The following CLYBL variants were observed in gnomAD, a reference collection of about 807,000 sequenced individuals.
CLYBL encodes citramalyl-CoA lyase, also known as citramalyl-CoA lyase, mitochondrial.
In CLYBL, 31 loss-of-function variants were observed where a neutral mutation model predicts 38.9. The ratio of observed to expected loss-of-function variants is 0.80; its 90% CI spans 0.60 to 1.08. The LOEUF (loss-of-function observed/expected upper bound fraction) is 1.08. CLYBL is among the 50% of genes least tolerant of loss of function. CLYBL has a pLI of 0.00. For synonymous variants in CLYBL, 171 were observed against 158.6 expected (o/e 1.08, Z -0.59); for missense variants, 434 against 411.6 (o/e 1.05, Z -0.47).
At chr13:99,632,515 A>G (rs9557269) in intron 1 of CLYBL, among the ~76,000 whole-genome samples, 73,177 of 152,092 alleles carry the variant, frequency 0.48, 17,788 homozygotes, top group East Asian at 0.71. Flanking sequence ...ACCAAGGCAG[A>G]CGGATTGCCT....
chr13:99,611,153 G>C (rs1055533465), intron 1 of CLYBL, among the ~76,000 whole-genome samples: 4 of 152,144 alleles, frequency 2.6e-5, no homozygotes, highest in Non-Finnish European at 5.9e-5. Flanking sequence ...AAACCCCCAC[G>C]ACAATTGCTG....
At chr13:99,800,743 G>A (rs1257536064) in intron 2 of CLYBL, among the ~76,000 whole-genome samples, 1 of 152,000 alleles carries the variant, frequency 6.6e-6, no homozygotes, top group Non-Finnish European at 1.5e-5. Flanking sequence ...GCATGGTGGC[G>A]CATGCCTTTA....
At chr13:99,662,529 T>G (rs76498364) in intron 1 of CLYBL, among the ~76,000 whole-genome samples, 9 of 89,422 alleles carry the variant, frequency 1.0e-4, no homozygotes, top group African/African-American at 3.2e-4. Flanking sequence ...TTTTTTTTTT[T>G]GGTCAGGCAG....
chr13:99,871,201 A>G, intron 7 of CLYBL, 139 bp downstream of exon 7: 1 of 962,498 alleles, frequency 1.0e-6, no homozygotes, highest in Non-Finnish European at 1.6e-6. Flanking sequence ...CACAACATTC[A>G]CCAGTGAGAA....
In CLYBL at chr13:99,772,741, A is replaced by G. The variant is rs1010454920; in HGVS notation, c.63-83A>G. 1.2e-5 allele frequency: 14 copies of G among 1,122,652 alleles called. No individual in the cohort carries two copies. In the Admixed American group the frequency reaches 2.5e-4, roughly 20 times the overall value. 69.5% of individuals were successfully genotyped at this position (1,122,652 alleles called of 1,614,324 possible). ...AAGATTATCCATGTGTTCTATTTTA[A>G]TTTTGCATTAAAATATAGTTTTTCA... is the stretch of plus-strand genomic sequence containing the variant. On this transcript the variant is annotated intron_variant, in intron 1 of 8. Coordinates refer to ENST00000339105, the MANE Select transcript of CLYBL (RefSeq NM_206808.5).
At chr13:99,717,515 A>C (rs1281025475) in intron 1 of CLYBL, among the ~76,000 whole-genome samples, 1 of 150,434 alleles carries the variant, frequency 6.6e-6, no homozygotes, top group Admixed American at 6.6e-5. Flanking sequence ...GCTGGAGTGC[A>C]GTGGCACGAT....
At chr13:99,679,218 C>T (rs942602425) in intron 1 of CLYBL, among the ~76,000 whole-genome samples, 5 of 148,150 alleles carry the variant, frequency 3.4e-5, no homozygotes, top group Admixed American at 1.4e-4. Flanking sequence ...GGCGTGAACC[C>T]GGGAGGTGGA....
At chr13:99,647,846 A>G (rs1007361544) in intron 1 of CLYBL, among the ~76,000 whole-genome samples, 1 of 152,226 alleles carries the variant, frequency 6.6e-6, no homozygotes, top group South Asian at 2.1e-4. Flanking sequence ...TGACACTAGC[A>G]GTATGGGTGC....
At chr13:99,884,396 T>G (rs2052292762) in intron 7 of CLYBL, among the ~76,000 whole-genome samples, 1 of 152,122 alleles carries the variant, frequency 6.6e-6, no homozygotes, top group South Asian at 2.1e-4. Context: ...CTGGTCTGTC[T>G]TCCTTCCCTC....
rs577306262 is a variant in CLYBL, at chr13:99,747,192, C to G, written c.63-25632C>G. On this transcript the variant is annotated intron_variant, in intron 1 of 8. Coordinates refer to ENST00000339105, the MANE Select transcript of CLYBL (RefSeq NM_206808.5). ...CAAAACAAGGAGCTTTGCAGAAAAA[C>G]AAAAAGCTCCTCTCCTCTCCCCCCC... is the stretch of plus-strand genomic sequence containing the variant. Among the ~76,000 whole-genome samples the G allele has an allele frequency of 7.9e-5, 12 of 151,980 alleles. No individual in the cohort carries two copies. The East Asian group carries it at 2.3e-3, about 29-fold the overall frequency.
intron 1 of CLYBL, among the ~76,000 whole-genome samples, chr13:99,737,476 C>T (rs772458082): frequency 1.3e-5 from 2 of 152,156 alleles, no homozygotes; most frequent in Non-Finnish European, 2.9e-5. Flanking sequence ...AGGGTGTCAC[C>T]AACTCCAGGT....
At chr13:99,772,656 C>T (rs961991861) in intron 1 of CLYBL, among the ~76,000 whole-genome samples, 168 bp from the exon 2 acceptor site, 1 of 152,158 alleles carries the variant, frequency 6.6e-6, no homozygotes, top group African/African-American at 2.4e-5. Flanking sequence ...GAGATCACAC[C>T]ACTGCACTTC....
At chr13:99,824,528 G>T (rs1469891564) in intron 2 of CLYBL, among the ~76,000 whole-genome samples, 1 of 152,160 alleles carries the variant, frequency 6.6e-6, no homozygotes, top group Non-Finnish European at 1.5e-5. Flanking sequence ...ACCTCTTGCT[G>T]CCAGGATCTT....
intron 1 of CLYBL, among the ~76,000 whole-genome samples, chr13:99,607,588 T>G (rs2046547976): frequency 6.6e-6 from 1 of 152,146 alleles, no homozygotes; most frequent in South Asian, 2.1e-4. Flanking sequence ...CTCATTTGGT[T>G]CCCTTGACCA....
chr13:99,738,139 T>G (rs2048696326), intron 1 of CLYBL, among the ~76,000 whole-genome samples: 1 of 152,244 alleles, frequency 6.6e-6, no homozygotes, highest in African/African-American at 2.4e-5. Context: ...ATTCCCTGAT[T>G]GAAATATCTG....
chr13:99,809,354 A>C (rs1321155164), intron 2 of CLYBL, among the ~76,000 whole-genome samples: 1 of 152,346 alleles, frequency 6.6e-6, no homozygotes, highest in South Asian at 2.1e-4. Context: ...CCTTCTGTGC[A>C]TGACCAGTGT....
intron 1 of CLYBL, among the ~76,000 whole-genome samples, chr13:99,621,460 C>T (rs2046795611): frequency 1.3e-5 from 2 of 152,182 alleles, no homozygotes; most frequent in African/African-American, 4.8e-5. Context: ...TGACTTTTGT[C>T]ACCCTTCCCT....
chr13:99,658,186 G>C (rs2047356367), intron 1 of CLYBL, among the ~76,000 whole-genome samples: 1 of 152,244 alleles, frequency 6.6e-6, no homozygotes, highest in Admixed American at 6.5e-5. Flanking sequence ...TTCATAAGGG[G>C]CCGCCGGCAG....
intron 2 of CLYBL, among the ~76,000 whole-genome samples, chr13:99,800,212 G>C (rs570003987): frequency 6.6e-6 from 1 of 152,326 alleles, no homozygotes; most frequent in East Asian, 1.9e-4. Context: ...GGGCCAACCA[G>C]TCAGTGCACT....
Sources: allele counts gnomAD v4.1 joint callset (sites outside exome capture counted in the v4.1 genomes callset), GRCh38; gene constraint gnomAD v4.1.1; transcripts MANE v1.5; gene names NCBI Gene and HGNC (gene_info 2026-07-23, HGNC 2026-07-21).